Variants in PCDHGA11 observed in about 807,000 individuals in gnomAD.
The protein encoded by PCDHGA11 is protocadherin gamma-A11.
PCDHGA11 carries 39 observed loss-of-function variants against 60.4 expected under a neutral mutation model. The observed-to-expected ratio is 0.65, with a 90% CI of 0.50 to 0.84. The LOEUF is 0.84. PCDHGA11 is among the 40% of genes least tolerant of loss of function. PCDHGA11 has a pLI of 0.00. For missense variants in PCDHGA11, 1,165 were observed against 1,197.7 expected, an observed-to-expected ratio of 0.97 and a Z score of 0.40; for synonymous variants, 533 against 510.3, an observed-to-expected ratio of 1.04 and a Z score of -0.60.
Position 141,511,579 on chromosome 5 carries a change from G to T in PCDHGA11, c.*406G>T. The T allele has an allele frequency of 3.6e-6, 1 of 280,798 alleles. No individual in the cohort carries two copies. Among genetic ancestry groups the T allele is most frequent in the South Asian group, 4.1e-5 (1 of 24,614 alleles). 17.4% of individuals were successfully genotyped at this position (280,798 alleles called of 1,614,324 possible). On this transcript the variant is annotated 3_prime_UTR_variant, in exon 4 of 4. Transcript: ENST00000398587. Reference sequence around the variant, plus strand: ...CCTCTTTCCCGAGTAAGGTGGTTGGGGTGTTGAAGTACCAAGTAACCTACA... The same window carrying T: ...CCTCTTTCCCGAGTAAGGTGGTTGGTGTGTTGAAGTACCAAGTAACCTACA...
At position 141,431,209 on chromosome 5, in the gene PCDHGA11, G is replaced by C; in HGVS notation, c.2433+7549G>C. Reference sequence around the variant, plus strand: ...TTAGTGAAAATGCAGCCACTGAGATGCGGTTCCCTCTACCCCACGCCTGGG... The same window carrying C: ...TTAGTGAAAATGCAGCCACTGAGATCCGGTTCCCTCTACCCCACGCCTGGG... On this transcript the variant is annotated intron_variant, in intron 1 of 3. Coordinates refer to ENST00000398587, the MANE Select transcript of PCDHGA11 (RefSeq NM_018914.3). The surrounding 1 kb of genome is among the most constrained non-coding windows in gnomAD (Gnocchi z 4.8). 6.2e-7 allele frequency: 1 copy of C among 1,614,190 alleles called. No homozygotes were observed. Among genetic ancestry groups the C allele is most frequent in the Non-Finnish European group, 8.5e-7 (1 of 1,180,038 alleles).
chr5:141,431,092 G>A lies in PCDHGA11; in HGVS notation c.2433+7432G>A. On this transcript the variant is annotated intron_variant, in intron 1 of 3. Coordinates refer to ENST00000398587, the MANE Select transcript of PCDHGA11 (RefSeq NM_018914.3). This position sits in a 1 kb window ranked among gnomAD's most constrained non-coding sequence, Gnocchi z 4.8. ...AATTAAATCTAGACATTCTGATGGAGGATAAAGTGAAAATATATGGAGTAG... is the reference window on the plus strand; with the variant it reads ...AATTAAATCTAGACATTCTGATGGAAGATAAAGTGAAAATATATGGAGTAG... 1 of 1,614,252 alleles carries A rather than the reference G, an allele frequency of 6.2e-7. No individual in the cohort carries two copies. The highest frequency in any genetic ancestry group is 1.1e-5 in the South Asian group (1 of 91,090).
intron 1 of PCDHGA11, chr5:141,427,786 C>G: frequency 1.4e-6 from 2 of 1,477,082 alleles, no homozygotes; most frequent in Non-Finnish European, 1.9e-6. Flanking sequence ...GCACTGTCGT[C>G]CTACGTGTCC....
In PCDHGA11 at chr5:141,505,574, CCT is replaced by C. The variant is rs562555098; in HGVS notation, c.2581+94_2581+95del. 5.3e-5 allele frequency: 85 copies of C among 1,593,636 alleles called. No individual in the cohort carries two copies. The African/African-American group carries it at 1.0e-3, about 20-fold the overall frequency. On this transcript the variant is annotated intron_variant, in intron 3 of 3. Coordinates refer to ENST00000398587, the MANE Select transcript of PCDHGA11 (RefSeq NM_018914.3). ...CCATGCCCACGGACTGGATGTCAAACCTGTGTAGTTTCTCCAGATCTTTCGGC... is the reference window on the plus strand; with the variant it reads ...CCATGCCCACGGACTGGATGTCAAACGTGTAGTTTCTCCAGATCTTTCGGC...
At chr5:141,508,324 G>A (rs1668975090) in intron 3 of PCDHGA11, 1 of 151,252 alleles carries the variant, frequency 6.6e-6, no homozygotes, top group African/African-American at 2.4e-5. Flanking sequence ...GAGGGGCACT[G>A]GAGAACTGAC....
intron 1 of PCDHGA11, chr5:141,427,048 C>T (rs1257232583): frequency 4.4e-6 from 2 of 457,350 alleles, no homozygotes; most frequent in South Asian, 1.5e-5. Context: ...AATGTGCCCC[C>T]AGGCACCTCT....
At position 141,511,319 on chromosome 5, in the gene PCDHGA11, C is replaced by T. The variant is rs2099883711; in HGVS notation, c.*146C>T. On this transcript the variant is annotated 3_prime_UTR_variant, in exon 4 of 4. Coordinates refer to ENST00000398587, the MANE Select transcript of PCDHGA11 (RefSeq NM_018914.3). ...CCATGCTCCCCTTGGGAAACAGAAA[C>T]AAGTGCCCAGTCAGCACCTACCCCT... 1.4e-6 allele frequency: 2 copies of T among 1,477,302 alleles called. No homozygotes were observed. The highest frequency in any genetic ancestry group is 1.4e-5 in the African/African-American group (1 of 70,920). 91.5% of individuals were successfully genotyped at this position (1,477,302 alleles called of 1,614,324 possible).
intron 1 of PCDHGA11, chr5:141,441,650 G>C (rs932742795): frequency 8.4e-6 from 2 of 238,510 alleles, no homozygotes; most frequent in African/African-American, 2.4e-5. Context: ...TGTGATTCTA[G>C]GTGTCCTTGA....
At chr5:141,427,960 G>C (rs759698390) in intron 1 of PCDHGA11, 7 of 1,589,168 alleles carry the variant, frequency 4.4e-6, no homozygotes, top group South Asian at 1.1e-5. Flanking sequence ...AATGTGCCGC[G>C]GGTGCTGTAC....
intron 1 of PCDHGA11, among the ~76,000 whole-genome samples, chr5:141,452,713 T>TGAGG (rs2098747318): frequency 6.7e-6 from 1 of 148,530 alleles, no homozygotes; most frequent in Non-Finnish European, 1.5e-5. Flanking sequence ...AAGGAAGGAA[T>TGAGG]GAGGGAGGGA....
intron 1 of PCDHGA11, chr5:141,430,556 C>A (rs1479639096): frequency 9.7e-6 from 4 of 413,394 alleles, no homozygotes; most frequent in African/African-American, 2.1e-5. Flanking sequence ...GTTCACCAAT[C>A]GGGGAGAGAA....
At position 141,421,705 on chromosome 5, in the gene PCDHGA11, G is replaced by C. The variant is rs1249601582; in HGVS notation, c.478G>C (p.Asp160His). The change falls in exon 1 of 4, where the codon GAT becomes CAT. Residue 160 changes from aspartate to histidine, a missense_variant. Coordinates refer to ENST00000398587, the MANE Select transcript of PCDHGA11 (RefSeq NM_018914.3). ...GCGATTTGCTCTTCCTAATGCTAGG[G>C]ATCCAGATGTGGGCGTGAACTCCCT... ...GARFALPNARDPDVGVNSLQS... is the reference protein window; with the variant it reads ...GARFALPNARHPDVGVNSLQS... The C allele has an allele frequency of 6.2e-7, 1 of 1,613,944 alleles. No homozygotes were observed. Among genetic ancestry groups the C allele is most frequent in the Non-Finnish European group, 8.5e-7 (1 of 1,179,850 alleles).
chr5:141,437,030 A>G (rs1246601314), intron 1 of PCDHGA11, among the ~76,000 whole-genome samples: 1 of 152,248 alleles, frequency 6.6e-6, no homozygotes, highest in Non-Finnish European at 1.5e-5. Context: ...CAGAAAATGG[A>G]TCACCGAAAC....
In PCDHGA11 at chr5:141,423,427, G is replaced by A; in HGVS notation, c.2200G>A (p.Ala734Thr). ...RLLQASEGGL[A>T]GMPTSHFVGV... The stretch of plus-strand genomic sequence containing the variant: ...GCTGCAGGCTTCTGAAGGCGGGTTG[G>A]CAGGTATGCCCACGTCACATTTTGT... The change falls in exon 1 of 4, where the codon GCA becomes ACA. Residue 734 changes from alanine (A) to threonine (T), a missense_variant. Coordinates refer to ENST00000398587, the MANE Select transcript of PCDHGA11 (RefSeq NM_018914.3). The A allele has an allele frequency of 1.2e-6, 2 of 1,614,010 alleles. No individual in the cohort carries two copies. The highest frequency in any genetic ancestry group is 1.7e-6 in the Non-Finnish European group (2 of 1,179,912).
Position 141,476,165 on chromosome 5 carries a change from G to A in PCDHGA11, c.2434-18642G>A. ...CGGACTGGTAAGCACCGGGAGGGTA[G>A]TGGGAGTTTTGCTTCTGCTTGGTGC... On this transcript the variant is annotated intron_variant, in intron 1 of 3. Coordinates refer to ENST00000398587, the MANE Select transcript of PCDHGA11 (RefSeq NM_018914.3). This position sits in a 1 kb window ranked among gnomAD's most constrained non-coding sequence, Gnocchi z 7.6. 1 of 1,613,228 alleles carries A rather than the reference G, an allele frequency of 6.2e-7. No homozygotes were observed.
chr5:141,421,348 G>C lies in PCDHGA11; in HGVS notation c.121G>C (p.Glu41Gln), dbSNP rs202220769. The change falls in exon 1 of 4, where the codon GAA (glutamate) becomes CAA (glutamine). Residue 41 changes from glutamate to glutamine, a missense_variant. By Grantham distance (29) the Glu-to-Gln change is conservative. Coordinates refer to ENST00000398587, the MANE Select transcript of PCDHGA11 (RefSeq NM_018914.3). Reference protein sequence around the residue: ...QIRYSVPEETEKGSFVGNISK... With the variant: ...QIRYSVPEETQKGSFVGNISK... ...CCGATATTCGGTGCCAGAAGAGACC[G>C]AAAAGGGCTCCTTCGTGGGCAATAT... 9.1e-5 allele frequency: 147 copies of C among 1,613,862 alleles called. No individual in the cohort carries two copies. Among genetic ancestry groups the C allele is most frequent in the Non-Finnish European group, 1.1e-4 (125 of 1,179,904 alleles).
Position 141,422,539 on chromosome 5 carries a change from C to G in PCDHGA11, c.1312C>G (p.His438Asp). The G allele has an allele frequency of 6.2e-7, 1 of 1,613,994 alleles. No individual in the cohort carries two copies. The highest frequency in any genetic ancestry group is 8.5e-7 in the Non-Finnish European group (1 of 1,179,890). Residue 438 changes from histidine to aspartate, a missense_variant, in exon 1 of 4, where the codon CAT (histidine) becomes GAT (aspartate). By Grantham distance (81) the His-to-Asp change is moderately conservative. Transcript: ENST00000398587. ...QGSPPLSAET[H>D]VWLNVADDND... ...AAGCCCGCCTTTGTCTGCAGAAACT[C>G]ATGTCTGGCTGAATGTGGCAGATGA...
chr5:141,472,364 AC>A (rs2099278314), intron 1 of PCDHGA11, among the ~76,000 whole-genome samples: 1 of 151,866 alleles, frequency 6.6e-6, no homozygotes, highest in Non-Finnish European at 1.5e-5. Flanking sequence ...ACACGGTGAA[AC>A]CCCGTCTCCA....
At chr5:141,458,563 G>T (rs1181785251) in intron 1 of PCDHGA11, among the ~76,000 whole-genome samples, 1 of 140,116 alleles carries the variant, frequency 7.1e-6, no homozygotes, top group Non-Finnish European at 1.5e-5. Context: ...TTTTGGTTTT[G>T]GGTTTTTGTT....
Sources: gnomAD v4.1 joint callset for allele counts (sites outside exome capture counted in the v4.1 genomes callset) on GRCh38, gnomAD v4.1.1 for gene constraint, Gnocchi (gnomAD v3.1) non-coding constraint, MANE v1.5 for transcripts, NCBI Gene and HGNC (gene_info 2026-07-23, HGNC 2026-07-21) for gene names.